The following GNA12 variants were observed in gnomAD, a reference collection of about 807,000 sequenced individuals.
GNA12 encodes guanine nucleotide-binding protein subunit alpha-12.
GNA12 carries 9 observed loss-of-function variants against 26.0 expected under a neutral mutation model. The observed-to-expected ratio is 0.35, with a 90% CI of 0.21 to 0.60. The LOEUF is 0.60. Among genes scored for constraint, GNA12 ranks in the 20% least tolerant of loss-of-function variants. The probability of loss-of-function intolerance (pLI) is 0.78; values close to 1 mark genes in which losing one functional copy is unlikely to be tolerated. For missense variants in GNA12, 405 were observed against 525.8 expected, an observed-to-expected ratio of 0.77 and a Z score of 2.25; for synonymous variants, 264 against 219.6, an observed-to-expected ratio of 1.20 and a Z score of -1.79.
chr7:2,816,376 GC>G (rs1362591329), intron 1 of GNA12, among the ~76,000 whole-genome samples: 1 of 152,040 alleles, frequency 6.6e-6, no homozygotes, highest in Non-Finnish European at 1.5e-5. Flanking sequence ...GATTACAGGT[GC>G]CTGCCACTAT....
At position 2,806,141 on chromosome 7, in the gene GNA12, C is replaced by T. The variant is rs116985568; in HGVS notation, c.310-10998G>A. ...GTGCCTTACATTTGTGGCTCACATTCGATTTGCTATTGGACAGCATTGCTG... is the reference window on the plus strand; with the variant it reads ...GTGCCTTACATTTGTGGCTCACATTTGATTTGCTATTGGACAGCATTGCTG... On this transcript the variant is annotated intron_variant, in intron 1 of 3. Coordinates refer to ENST00000275364, the MANE Select transcript of GNA12 (RefSeq NM_007353.3). Among the ~76,000 whole-genome samples, 1,457 of 152,242 alleles carry T rather than the reference C, an allele frequency of 9.6e-3. 10 individuals carry two copies. The highest frequency in any genetic ancestry group is 0.075 in the Middle Eastern group (22 of 294).
chr7:2,751,966 A>G lies in GNA12; in HGVS notation c.526-18465T>C, dbSNP rs370416020. Among the ~76,000 whole-genome samples the G allele has an allele frequency of 7.9e-5, 12 of 152,362 alleles. No homozygotes were observed. In the East Asian group the frequency reaches 1.9e-3, roughly 24 times the overall value. ...TAACGAACGTGAACTTTTTCAGAAA[A>G]TCAAAGAGGAAGAAATAATTTCCAA... On this transcript the variant is annotated intron_variant, in intron 2 of 3. Coordinates refer to ENST00000275364, the MANE Select transcript of GNA12 (RefSeq NM_007353.3).
At chr7:2,833,887 C>A (rs544335171) in intron 1 of GNA12, among the ~76,000 whole-genome samples, 1 of 152,084 alleles carries the variant, frequency 6.6e-6, no homozygotes, top group Non-Finnish European at 1.5e-5. Context: ...AAGTTCCGTA[C>A]GTCCTGGCAA....
chr7:2,839,842 C>G (rs1562453084), intron 1 of GNA12, among the ~76,000 whole-genome samples: 1 of 152,048 alleles, frequency 6.6e-6, no homozygotes, highest in Non-Finnish European at 1.5e-5. Context: ...CTACTAAATA[C>G]ACAAAAATTA....
At chr7:2,843,519 C>T (rs1779066779) in intron 1 of GNA12, among the ~76,000 whole-genome samples, 1 of 152,016 alleles carries the variant, frequency 6.6e-6, no homozygotes, top group Non-Finnish European at 1.5e-5. Context: ...TGGTGGTGCG[C>T]GCCTGTAATC....
At chr7:2,836,119 C>A in intron 1 of GNA12, 1 of 225,502 alleles carries the variant, frequency 4.4e-6, no homozygotes, top group Non-Finnish European at 9.4e-6. Context: ...GCAATCTTTA[C>A]AAAAAAATCA....
chr7:2,759,176 T>G (rs1452222737), intron 2 of GNA12, among the ~76,000 whole-genome samples: 2 of 147,232 alleles, frequency 1.4e-5, no homozygotes, highest in African/African-American at 5.2e-5. Flanking sequence ...AATAAATAAA[T>G]AAATAAATAA....
intron 2 of GNA12, among the ~76,000 whole-genome samples, chr7:2,792,128 T>TA (rs1287833252): frequency 3.3e-5 from 5 of 152,206 alleles, no homozygotes; most frequent in African/African-American, 1.2e-4. Flanking sequence ...ACGTCTAGAT[T>TA]AAAAGCTCAC....
intron 1 of GNA12, among the ~76,000 whole-genome samples, chr7:2,832,151 T>A (rs574873954): frequency 5.3e-5 from 8 of 152,318 alleles, no homozygotes; most frequent in Admixed American, 2.6e-4. Flanking sequence ...TGTTCATCCA[T>A]CTTATGGACA....
intron 2 of GNA12, among the ~76,000 whole-genome samples, chr7:2,749,309 C>T (rs1790912569): frequency 1.3e-5 from 2 of 152,204 alleles, no homozygotes; most frequent in Non-Finnish European, 2.9e-5. Context: ...GCCACATATA[C>T]ACCATGGAAT....
At chr7:2,809,542 C>A (rs1480001730) in intron 1 of GNA12, among the ~76,000 whole-genome samples, 1 of 152,140 alleles carries the variant, frequency 6.6e-6, no homozygotes, top group African/African-American at 2.4e-5. Context: ...TACAATGGAT[C>A]TGAAAATTCC....
intron 2 of GNA12, among the ~76,000 whole-genome samples, chr7:2,776,005 T>C (rs1229444302): frequency 6.6e-6 from 1 of 152,252 alleles, no homozygotes; most frequent in Admixed American, 6.5e-5. Context: ...GGGAAGGCCC[T>C]GGACACAGCT....
At chr7:2,745,586 C>A (rs1790726833) in intron 2 of GNA12, among the ~76,000 whole-genome samples, 1 of 152,176 alleles carries the variant, frequency 6.6e-6, no homozygotes, top group Non-Finnish European at 1.5e-5. Flanking sequence ...TAAAGACCAT[C>A]AAGGCTAGGA....
At chr7:2,794,604 G>A in intron 2 of GNA12, 1 of 308,912 alleles carries the variant, frequency 3.2e-6, no homozygotes. Flanking sequence ...TGTTGTGGGG[G>A]GTGTTATTTC....
chr7:2,783,426 C>T (rs1436123019), intron 2 of GNA12, among the ~76,000 whole-genome samples: 1 of 151,998 alleles, frequency 6.6e-6, no homozygotes, highest in Non-Finnish European at 1.5e-5. Flanking sequence ...TCTGCTGTCC[C>T]CTCTTTGTGC....
Position 2,773,541 on chromosome 7 carries a change from G to A in GNA12, c.525+21387C>T, listed in dbSNP as rs187704678. ...CACACCACTGCACTCCAGCCAGGGC[G>A]ACAGAGTGAGACTCAGTCTCAAAAA... On this transcript the variant is annotated intron_variant, in intron 2 of 3. Transcript: ENST00000275364. 1.4e-3 allele frequency among the ~76,000 whole-genome samples: 206 copies of A among 152,270 alleles called. 2 individuals carry two copies. The highest frequency in any genetic ancestry group is 4.5e-3 in the African/African-American group (187 of 41,554).
chr7:2,811,087 A>T (rs1436260415), intron 1 of GNA12, among the ~76,000 whole-genome samples: 1 of 152,186 alleles, frequency 6.6e-6, no homozygotes, highest in Non-Finnish European at 1.5e-5. Context: ...TTCATCTCCC[A>T]GCAGCAAAAA....
intron 1 of GNA12, 91 bp from the exon 2 acceptor site, chr7:2,795,234 A>C: frequency 1.1e-6 from 1 of 937,146 alleles, no homozygotes; most frequent in Non-Finnish European, 1.7e-6. Flanking sequence ...CATTGTCATA[A>C]CGCAGAAAAC....
intron 2 of GNA12, among the ~76,000 whole-genome samples, chr7:2,737,143 A>G (rs899943360): frequency 5.3e-5 from 8 of 152,164 alleles, no homozygotes; most frequent in African/African-American, 1.9e-4. Context: ...GTAAGCGTCT[A>G]AGTAGGGACA....
Sources: gnomAD v4.1 joint callset for allele counts (sites outside exome capture counted in the v4.1 genomes callset) on GRCh38, gnomAD v4.1.1 for gene constraint, MANE v1.5 for transcripts, NCBI Gene and HGNC (gene_info 2026-07-23, HGNC 2026-07-21) for gene names.